The following PADI2 variants were observed in gnomAD, a reference collection of about 807,000 sequenced individuals.
PADI2 encodes protein-arginine deiminase type-2.
In PADI2, 70 loss-of-function variants were observed where a neutral mutation model predicts 81.1. The ratio of observed to expected loss-of-function variants is 0.86; its 90% CI spans 0.71 to 1.05. The LOEUF is 1.05. PADI2 is among the 50% of genes least tolerant of loss of function. PADI2 has a pLI of 0.00. For missense variants in PADI2, 853 were observed against 889.9 expected (o/e 0.96, Z 0.53); for synonymous variants, 338 against 358.0 (o/e 0.94, Z 0.63).
intron 3 of PADI2, among the ~76,000 whole-genome samples, chr1:17,097,223 G>A (rs1264976240): frequency 6.6e-6 from 1 of 152,208 alleles, no homozygotes; most frequent in Non-Finnish European, 1.5e-5. Flanking sequence ...AGTCCCCGTG[G>A]CAGGCACACC....
chr1:17,077,005 G>A (rs144861795), intron 11 of PADI2, among the ~76,000 whole-genome samples: 7 of 151,972 alleles, frequency 4.6e-5, no homozygotes, highest in Admixed American at 2.0e-4. Context: ...CTCCTCCCTC[G>A]CTTCCCTCCC....
chr1:17,097,409 G>A (rs1930975635), intron 3 of PADI2, among the ~76,000 whole-genome samples: 1 of 152,232 alleles, frequency 6.6e-6, no homozygotes, highest in Admixed American at 6.5e-5. Context: ...AGGCTGCAAG[G>A]GCGCCTGGCC....
chr1:17,082,611 G>GC lies in PADI2; in HGVS notation c.1091dup (p.Phe365LeufsTer36). 1 of 1,611,488 alleles carries GC rather than the reference G, an allele frequency of 6.2e-7. No homozygotes were observed. Among genetic ancestry groups the GC allele is most frequent in the Non-Finnish European group, 8.5e-7 (1 of 1,179,112 alleles). ...GGGGAGAGTCCAGCACCACGGGGAA[G>GC]CCTTTATGGGGGGCCTCGATGTAGC... is the stretch of plus-strand genomic sequence containing the variant. On this transcript the variant is annotated frameshift_variant, in exon 10 of 16. Transcript: ENST00000375486. LOFTEE classifies it high-confidence loss of function.
chr1:17,081,867 C>G (rs1385357909), intron 10 of PADI2, among the ~76,000 whole-genome samples: 1 of 152,154 alleles, frequency 6.6e-6, no homozygotes. Context: ...AATCCCAGCA[C>G]TTTGGGAGGC....
At chr1:17,089,189 G>A (rs1352234367) in intron 6 of PADI2, among the ~76,000 whole-genome samples, 2 of 152,174 alleles carry the variant, frequency 1.3e-5, no homozygotes, top group Admixed American at 6.5e-5. Context: ...TGGGAGGGAG[G>A]AGTCCAAGAA....
intron 3 of PADI2, among the ~76,000 whole-genome samples, chr1:17,097,751 G>A (rs1431352062): frequency 2.8e-5 from 3 of 107,076 alleles, no homozygotes; most frequent in Non-Finnish European, 2.0e-5. Context: ...AGGGAAGGCG[G>A]TACCACCAGG....
At chr1:17,102,105 T>G (rs969250450) in intron 3 of PADI2, among the ~76,000 whole-genome samples, 6 of 152,232 alleles carry the variant, frequency 3.9e-5, no homozygotes. Flanking sequence ...AGCATGCAGT[T>G]GACTCTCAAT....
chr1:17,088,778 G>A lies in PADI2; in HGVS notation c.656-2079C>T, dbSNP rs554358319. On this transcript the variant is annotated intron_variant, in intron 6 of 15. Transcript: ENST00000375486. The stretch of plus-strand genomic sequence containing the variant: ...AAAAATTAGCCGGACATGGTGGTGC[G>A]TGCCTGTAATCCTAGCTACTCGGGA... Among the ~76,000 whole-genome samples, 14 of 151,930 alleles carry A rather than the reference G, an allele frequency of 9.2e-5. 1 individual carries two copies. The highest frequency in any genetic ancestry group is 1.2e-4 in the African/African-American group (5 of 41,408).
Position 17,068,771 on chromosome 1 carries a change from T to G in PADI2, c.*273A>C. The G allele has an allele frequency of 2.2e-6, 1 of 453,182 alleles. No individual in the cohort carries two copies. Among genetic ancestry groups the G allele is most frequent in the Non-Finnish European group, 4.0e-6 (1 of 250,136 alleles). 28.1% of individuals were successfully genotyped at this position (453,182 alleles called of 1,614,324 possible). A position where few individuals can be genotyped will look rare whatever the true frequency, so the allele number is the denominator to read the frequency against. ...AGCAGTTTGGGCACATGGTTTGCTG[T>G]GTTTTGTTGTGTTCTGTTCCTTATG... On this transcript the variant is annotated 3_prime_UTR_variant, in exon 16 of 16. Coordinates refer to ENST00000375486, the MANE Select transcript of PADI2 (RefSeq NM_007365.3).
chr1:17,104,234 G>A (rs1053611932), intron 2 of PADI2, among the ~76,000 whole-genome samples: 1 of 151,422 alleles, frequency 6.6e-6, no homozygotes, highest in Non-Finnish European at 1.5e-5. Context: ...AGCTTGCAGT[G>A]AGCCGAGATC....
At chr1:17,097,615 C>T (rs1200482305) in intron 3 of PADI2, among the ~76,000 whole-genome samples, 1 of 152,186 alleles carries the variant, frequency 6.6e-6, no homozygotes, top group African/African-American at 2.4e-5. Flanking sequence ...GTCCACAGTC[C>T]CATGAGATGA....
intron 13 of PADI2, 47 bp downstream of exon 13, chr1:17,074,809 G>A (rs750842130): frequency 8.1e-7 from 1 of 1,238,158 alleles, no homozygotes; most frequent in South Asian, 1.2e-5. Context: ...GGGTCTCTCT[G>A]GGGCCTCCAG....
intron 2 of PADI2, among the ~76,000 whole-genome samples, chr1:17,104,437 T>C (rs950137487): frequency 5.3e-5 from 4 of 76,052 alleles, no homozygotes; most frequent in African/African-American, 2.0e-4. Context: ...TTTTCTTTTT[T>C]TTTTTTTTTT....
chr1:17,072,591 T>C (rs1179550910), intron 13 of PADI2, among the ~76,000 whole-genome samples: 1 of 152,214 alleles, frequency 6.6e-6, no homozygotes, highest in Non-Finnish European at 1.5e-5. Flanking sequence ...TACTCTCTGC[T>C]GACTGCACAT....
At chr1:17,091,291 G>A (rs928287834) in intron 6 of PADI2, among the ~76,000 whole-genome samples, 8 of 149,340 alleles carry the variant, frequency 5.4e-5, no homozygotes, top group African/African-American at 2.0e-4. Context: ...GCCCCCCTAG[G>A]CAGCTGGGCA....
rs770012035 is a variant in PADI2, at chr1:17,087,407, C to A, written c.656-708G>T. On this transcript the variant is annotated intron_variant, in intron 6 of 15. Transcript: ENST00000375486. ...CACTTGCAACAATCCAGCCCAGTTT[C>A]CCCAGAGACAAAGCCAGGGGCTCTG... 4.3e-4 allele frequency among the ~76,000 whole-genome samples: 65 copies of A among 152,358 alleles called. 1 individual carries two copies. Among genetic ancestry groups the A allele is most frequent in the Non-Finnish European group, 6.3e-4 (43 of 68,038 alleles).
chr1:17,068,808 G>A lies in PADI2; in HGVS notation c.*236C>T, dbSNP rs1178649279. Reference sequence around the variant, plus strand: ...TTCTGTTCCTTATGTCAGGGCTACAGAGACACTGGCCCAGCTATTTTCAGC... The same window carrying A: ...TTCTGTTCCTTATGTCAGGGCTACAAAGACACTGGCCCAGCTATTTTCAGC... On this transcript the variant is annotated 3_prime_UTR_variant, in exon 16 of 16. Coordinates refer to ENST00000375486, the MANE Select transcript of PADI2 (RefSeq NM_007365.3). 6 of 573,234 alleles carry A rather than the reference G, an allele frequency of 1.0e-5. No homozygotes were observed. The highest frequency in any genetic ancestry group is 1.9e-5 in the Non-Finnish European group (6 of 320,382). 35.5% of individuals were successfully genotyped at this position (573,234 alleles called of 1,614,324 possible). A position where few individuals can be genotyped will look rare whatever the true frequency, so the allele number is the denominator to read the frequency against.
At chr1:17,093,757 T>C (rs1295267583) in intron 4 of PADI2, 73 bp from the exon 5 acceptor site, 1 of 909,702 alleles carries the variant, frequency 1.1e-6, no homozygotes, top group Non-Finnish European at 1.8e-6. Context: ...ACTGGAGAGA[T>C]AGCCCCAGGA....
intron 6 of PADI2, among the ~76,000 whole-genome samples, chr1:17,091,952 G>A (rs889083805): frequency 6.6e-6 from 1 of 152,188 alleles, no homozygotes; most frequent in Non-Finnish European, 1.5e-5. Flanking sequence ...GCAGGAGCCC[G>A]TGCCCTACAC....
Sources: gnomAD v4.1 joint callset for allele counts (sites outside exome capture counted in the v4.1 genomes callset) on GRCh38, gnomAD v4.1.1 for gene constraint, MANE v1.5 for transcripts, NCBI Gene and HGNC (gene_info 2026-07-23, HGNC 2026-07-21) for gene names.